The following LAMA2 variants were observed in gnomAD, a reference collection of about 807,000 sequenced individuals.
LAMA2 encodes laminin subunit alpha 2.
LAMA2 carries 269 observed loss-of-function variants against 364.8 expected under a neutral mutation model. The ratio of observed to expected loss-of-function variants is 0.74; its 90% CI spans 0.67 to 0.82. LAMA2 has a LOEUF of 0.82. LAMA2 is among the 40% of genes least tolerant of loss of function. The pLI is 0.00. For missense variants in LAMA2, 3,807 were observed against 3,873.2 expected (o/e 0.98, Z 0.45); for synonymous variants, 1,379 against 1,370.6 (o/e 1.01, Z -0.14).
chr6:128,994,789 T>C (rs1402670719), intron 1 of LAMA2, among the ~76,000 whole-genome samples: 1 of 152,140 alleles, frequency 6.6e-6, no homozygotes, highest in Non-Finnish European at 1.5e-5. Context: ...ACAATTTTTA[T>C]AGACATTATA....
In LAMA2 at chr6:129,371,631, G is replaced by A. The variant is rs1244988723; in HGVS notation, c.4959+1641G>A. On this transcript the variant is annotated intron_variant, in intron 34 of 64. Coordinates refer to ENST00000421865, the MANE Select transcript of LAMA2 (RefSeq NM_000426.4). ...TCTTTTTTTTTTTTTTTTTGAGACA[G>A]AGTCTTGCTCTGTCGCCGAGGCTGG... Among the ~76,000 whole-genome samples the A allele has an allele frequency of 2.3e-4, 32 of 138,508 alleles. No homozygotes were observed. In the Middle Eastern group the frequency reaches 0.017, roughly 74 times the overall value. The allele number at this position is 138,508 out of a possible 152,430, so 90.9% of individuals were successfully genotyped here. A position where few individuals can be genotyped will look rare whatever the true frequency, so the allele number is the denominator to read the frequency against.
At chr6:129,410,144 TTC>T (rs1222660571) in intron 40 of LAMA2, among the ~76,000 whole-genome samples, 1 of 152,154 alleles carries the variant, frequency 6.6e-6, no homozygotes, top group Non-Finnish European at 1.5e-5. Flanking sequence ...GCAGAATGAA[TTC>T]CATAGTTCAG....
chr6:128,914,706 A>C (rs1005549498), intron 1 of LAMA2, among the ~76,000 whole-genome samples: 5 of 152,182 alleles, frequency 3.3e-5, no homozygotes, highest in Non-Finnish European at 7.4e-5. Context: ...TTGTGAGATA[A>C]ACTGTAAGTG....
intron 8 of LAMA2, among the ~76,000 whole-genome samples, chr6:129,155,272 A>G (rs1024263764): frequency 1.3e-5 from 2 of 152,048 alleles, no homozygotes; most frequent in East Asian, 3.8e-4. Flanking sequence ...AGCTTTTTTC[A>G]TAGGATAGGT....
At chr6:129,141,862 G>T (rs985500900) in intron 4 of LAMA2, among the ~76,000 whole-genome samples, 1 of 151,648 alleles carries the variant, frequency 6.6e-6, no homozygotes, top group Non-Finnish European at 1.5e-5. Flanking sequence ...GTGCATGTTT[G>T]TGTGTGTATG....
At chr6:128,989,005 T>G (rs758558222) in intron 1 of LAMA2, among the ~76,000 whole-genome samples, 6 of 152,156 alleles carry the variant, frequency 3.9e-5, no homozygotes, top group Non-Finnish European at 8.8e-5. Context: ...AATGGCAATG[T>G]TGGTGGTATA....
chr6:129,450,127 C>A lies in LAMA2; in HGVS notation c.6430-2861C>A, dbSNP rs550389800. ...CTCTGTCTGTTACACTTTGGCAACC[C>A]CCTTTTCAACACACTAATCATGGAA... On this transcript the variant is annotated intron_variant, in intron 45 of 64. Transcript: ENST00000421865. 1.8e-4 allele frequency among the ~76,000 whole-genome samples: 28 copies of A among 151,726 alleles called. No individual in the cohort carries two copies. In the East Asian group the frequency reaches 5.3e-3, roughly 28 times the overall value.
Position 129,465,200 on chromosome 6 carries a change from T to C in LAMA2, c.7211T>C (p.Leu2404Pro), listed in dbSNP as rs1385462676. 1 of 1,611,256 alleles carries C rather than the reference T, an allele frequency of 6.2e-7. No homozygotes were observed. The highest frequency in any genetic ancestry group is 8.5e-7 in the Non-Finnish European group (1 of 1,177,908). ...TDGHIKVSYD[L>P]GSGMASVVSN... ...GGGCACATAAAAGTCAGTTACGATC[T>C]GGGCTCAGGAATGGCTTCCGTTGTC... is the stretch of plus-strand genomic sequence containing the variant. Residue 2404 changes from leucine to proline, a missense_variant, in exon 51 of 65, where the codon CTG becomes CCG. Coordinates refer to ENST00000421865, the MANE Select transcript of LAMA2 (RefSeq NM_000426.4).
At position 129,383,225 on chromosome 6, in the gene LAMA2, A is replaced by G; in HGVS notation, c.5063A>G (p.Asp1688Gly). Reference protein sequence around the residue: ...LGEFIKELARDAEAVNEKAIK... With the variant: ...LGEFIKELARGAEAVNEKAIK... ...GAATTCATTAAGGAGCTTGCCCGGG[A>G]TGCAGAAGGTATTAGAAAGAATCAC... is the stretch of plus-strand genomic sequence containing the variant. Residue 1688 changes from aspartate to glycine, a missense_variant, in exon 35 of 65, where the codon GAT becomes GGT. Coordinates refer to ENST00000421865, the MANE Select transcript of LAMA2 (RefSeq NM_000426.4). 1 of 1,610,264 alleles carries G rather than the reference A, an allele frequency of 6.2e-7. No homozygotes were observed.
At chr6:129,210,734 G>C (rs138944067) in intron 12 of LAMA2, among the ~76,000 whole-genome samples, 1 of 152,272 alleles carries the variant, frequency 6.6e-6, no homozygotes, top group East Asian at 1.9e-4. Flanking sequence ...AACAGAACCT[G>C]TTTTTCAAAC....
intron 27 of LAMA2, among the ~76,000 whole-genome samples, chr6:129,318,041 A>T (rs1486768617): frequency 6.6e-6 from 1 of 152,194 alleles, no homozygotes; most frequent in Non-Finnish European, 1.5e-5. Flanking sequence ...AACTGGGGTC[A>T]TAGTCTCACA....
intron 1 of LAMA2, among the ~76,000 whole-genome samples, chr6:128,990,371 A>C (rs185447426): frequency 6.6e-6 from 1 of 152,336 alleles, no homozygotes; most frequent in Non-Finnish European, 1.5e-5. Context: ...AATAGGATGC[A>C]TGCAAAATAT....
At chr6:129,442,220 T>C in intron 43 of LAMA2, 1 of 1,318,928 alleles carries the variant, frequency 7.6e-7, no homozygotes. Context: ...CATCCTAGCC[T>C]CAAATCAAAT....
chr6:129,165,207 A>G (rs1315865969), intron 8 of LAMA2, among the ~76,000 whole-genome samples: 1 of 149,848 alleles, frequency 6.7e-6, no homozygotes, highest in Non-Finnish European at 1.5e-5. Context: ...TTTTCCTATT[A>G]CATCTGGAAA....
At chr6:128,930,588 A>T (rs1369072573) in intron 1 of LAMA2, among the ~76,000 whole-genome samples, 1 of 152,084 alleles carries the variant, frequency 6.6e-6, no homozygotes, top group Non-Finnish European at 1.5e-5. Flanking sequence ...ACGGAGCAGG[A>T]GCAAGAAATA....
At chr6:129,211,340 G>C (rs1257568952) in intron 12 of LAMA2, among the ~76,000 whole-genome samples, 1 of 151,830 alleles carries the variant, frequency 6.6e-6, no homozygotes, top group Non-Finnish European at 1.5e-5. Flanking sequence ...TTCAAGCTAC[G>C]TAATTTCTTA....
At chr6:129,486,006 G>T (rs952584956) in intron 55 of LAMA2, among the ~76,000 whole-genome samples, 2 of 152,198 alleles carry the variant, frequency 1.3e-5, no homozygotes, top group Admixed American at 1.3e-4. Flanking sequence ...AAATGTGGGA[G>T]GCAGGTTACA....
At chr6:129,131,328 C>A (rs1199217342) in intron 4 of LAMA2, among the ~76,000 whole-genome samples, 2 of 152,128 alleles carry the variant, frequency 1.3e-5, no homozygotes, top group Non-Finnish European at 2.9e-5. Flanking sequence ...ATTCATTTTT[C>A]TTGAGTTGTA....
chr6:129,514,300 A>AT, intron 63 of LAMA2, 73 bp from the exon 64 acceptor site: 1 of 1,079,718 alleles, frequency 9.3e-7, no homozygotes, highest in Non-Finnish European at 1.4e-6. Context: ...AGACCTGATC[A>AT]TTTGTATGTG....
Sources: allele counts gnomAD v4.1 joint callset (sites outside exome capture counted in the v4.1 genomes callset), GRCh38; gene constraint gnomAD v4.1.1; transcripts MANE v1.5; gene names NCBI Gene and HGNC (gene_info 2026-07-23, HGNC 2026-07-21).